Variants in PBRM1 observed in about 807,000 individuals in gnomAD.
PBRM1 encodes the protein polybromo 1.
In PBRM1, 27 loss-of-function variants were observed where a neutral mutation model predicts 194.5. That is an observed-to-expected ratio of 0.14 (90% confidence interval 0.10 to 0.19). PBRM1 has a LOEUF of 0.19. PBRM1 is among the 10% of genes least tolerant of loss of function. The pLI, the probability that PBRM1 is intolerant of heterozygous loss-of-function variation, is 1.00. For synonymous variants in PBRM1, 655 were observed against 693.2 expected (o/e 0.94, Z 0.87); for missense variants, 1,466 against 2,077.2 (o/e 0.71, Z 5.72).
At chr3:52,548,734 A>AT (rs1381038330) in intron 29 of PBRM1, among the ~76,000 whole-genome samples, 2 of 151,916 alleles carry the variant, frequency 1.3e-5, no homozygotes, top group Non-Finnish European at 1.5e-5. Flanking sequence ...CCTGATCATT[A>AT]TTTTTTTGTA....
Position 52,550,828 on chromosome 3 carries a change from G to C in PBRM1, c.4610-11C>G. The C allele has an allele frequency of 6.4e-7, 1 of 1,572,500 alleles. No individual in the cohort carries two copies. The highest frequency in any genetic ancestry group is 8.8e-7 in the Non-Finnish European group (1 of 1,142,776). ...CTTGGTTCATCACACCTATAATTCA[G>C]AATGCAATGGCACAGTTAGAGGCTC... is the stretch of plus-strand genomic sequence containing the variant. On this transcript the variant is annotated splice_polypyrimidine_tract_variant and intron_variant, in intron 27 of 29. Coordinates refer to ENST00000296302, the Ensembl canonical transcript of PBRM1.
intron 13 of PBRM1, among the ~76,000 whole-genome samples, chr3:52,618,379 G>A (rs959533259): frequency 1.3e-5 from 2 of 152,162 alleles, no homozygotes; most frequent in African/African-American, 4.8e-5. Flanking sequence ...GAGAAAACTG[G>A]CTCAGAGGGG....
At chr3:52,569,212 GA>G (rs1245412641) in intron 22 of PBRM1, among the ~76,000 whole-genome samples, 2 of 146,546 alleles carry the variant, frequency 1.4e-5, no homozygotes, top group African/African-American at 2.6e-5. Flanking sequence ...TTTTCAATAT[GA>G]TTTTTTTTTT....
chr3:52,578,451 A>AACT lies in PBRM1; in HGVS notation c.3533+600_3533+602dup, dbSNP rs1024228860. Reference sequence around the variant, plus strand: ...CTAAATCATTCACCTAAGGACCTACAACTAACAGAGCTGGGACTCAGGGAA... The same window carrying AACT: ...CTAAATCATTCACCTAAGGACCTACAACTACTAACAGAGCTGGGACTCAGGGAA... On this transcript the variant is annotated intron_variant, in intron 21 of 29. Transcript: ENST00000296302. 2.3e-4 allele frequency among the ~76,000 whole-genome samples: 35 copies of AACT among 152,342 alleles called. No individual in the cohort carries two copies. In the East Asian group the frequency reaches 5.4e-3, roughly 23 times the overall value.
rs2153642724 is a variant in PBRM1, at chr3:52,634,594, C to T, written c.1301+8G>A. 6.5e-7 allele frequency: 1 copy of T among 1,530,524 alleles called. No homozygotes were observed. Among genetic ancestry groups the T allele is most frequent in the Non-Finnish European group, 9.1e-7 (1 of 1,104,840 alleles). The allele number at this position is 1,530,524 out of a possible 1,614,324, so 94.8% of individuals were successfully genotyped here. On this transcript the variant is annotated splice_region_variant and intron_variant, in intron 11 of 29. Coordinates refer to ENST00000296302, the Ensembl canonical transcript of PBRM1. ...AAATTATACTGAATAATGTAGAAGA[C>T]ATCTTACCGGATCTGTTGTAGTGAT...
chr3:52,636,767 A>AAAAAAAAAAAAAAAAAAAAT (rs2095834445), intron 10 of PBRM1, among the ~76,000 whole-genome samples: 1 of 144,732 alleles, frequency 6.9e-6, no homozygotes, highest in Non-Finnish European at 1.5e-5. Context: ...CAAAAAAAAA[A>AAAAAAAAAAAAAAAAAAAAT]AAAAAAAAAA....
Position 52,609,471 on chromosome 3 carries a change from A to C in PBRM1, c.2409T>G (p.Ser803=). 6.2e-7 allele frequency: 1 copy of C among 1,614,098 alleles called. No individual in the cohort carries two copies. Among genetic ancestry groups the C allele is most frequent in the South Asian group, 1.1e-5 (1 of 91,088 alleles). ...GATCCACAGCAGGAATTTCTGCTAA[A>C]GAATCGCTGTAGCATCTTCCCTCAT... The change falls in exon 16 of 30, where the codon TCT becomes TCG. Residue 803 remains serine (S), a synonymous_variant. Transcript: ENST00000296302. The surrounding 1 kb of genome is among the most constrained non-coding windows in gnomAD (Gnocchi z 4.1).
rs373959162 is a variant in PBRM1 at position 52,581,661 on chromosome 3, C to T, written c.3388-2462G>A. On this transcript the variant is annotated intron_variant, in intron 20 of 29. Transcript: ENST00000296302. ...AAGTAATTCTTTTTTTTTTTTGATACGGAGTCTCCCTCTGTCTCCAGGCTG... is the reference window on the plus strand; with the variant it reads ...AAGTAATTCTTTTTTTTTTTTGATATGGAGTCTCCCTCTGTCTCCAGGCTG... Among the ~76,000 whole-genome samples, 51 of 149,170 alleles carry T rather than the reference C, an allele frequency of 3.4e-4. 1 individual carries two copies. The East Asian group carries it at 7.4e-3, about 22-fold the overall frequency.
At chr3:52,634,462 T>C (rs749645803) in intron 11 of PBRM1, 140 bp downstream of exon 12, 213 of 511,276 alleles carry the variant, frequency 4.2e-4, no homozygotes, top group Non-Finnish European at 6.3e-4. Context: ...AAAAAGGTAA[T>C]GAACAGTTAA....
intron 6 of PBRM1, among the ~76,000 whole-genome samples, chr3:52,649,736 A>C (rs1577562987): frequency 6.6e-6 from 1 of 152,186 alleles, no homozygotes; most frequent in African/African-American, 2.4e-5. Flanking sequence ...GACTGGCAGG[A>C]AGAAAGCCAA....
Position 52,650,717 on chromosome 3 carries a change from T to A in PBRM1, c.714+1025A>T, listed in dbSNP as rs536303784. 5.9e-5 allele frequency among the ~76,000 whole-genome samples: 9 copies of A among 152,276 alleles called. 1 individual carries two copies. In the South Asian group the frequency reaches 1.9e-3, roughly 32 times the overall value. On this transcript the variant is annotated intron_variant, in intron 6 of 29. Coordinates refer to ENST00000296302, the Ensembl canonical transcript of PBRM1. ...ATATTATCACCAACCTCTATGACTCTGCAAAGTAGTGATACTACACGCAAC... is the reference window on the plus strand; with the variant it reads ...ATATTATCACCAACCTCTATGACTCAGCAAAGTAGTGATACTACACGCAAC...
At chr3:52,644,494 C>T (rs1640287480) in intron 8 of PBRM1, among the ~76,000 whole-genome samples, 2 of 152,076 alleles carry the variant, frequency 1.3e-5, no homozygotes, top group African/African-American at 4.8e-5. Context: ...AAGCAATTCT[C>T]CTGCCTCAGC....
At chr3:52,599,397 T>C (rs910657234) in intron 17 of PBRM1, among the ~76,000 whole-genome samples, 1 of 152,238 alleles carries the variant, frequency 6.6e-6, no homozygotes, top group Non-Finnish European at 1.5e-5. Context: ...TATAGTACTA[T>C]TGAACACTAG....
intron 5 of PBRM1, among the ~76,000 whole-genome samples, chr3:52,653,954 A>G (rs1377496108): frequency 6.6e-6 from 1 of 152,238 alleles, no homozygotes; most frequent in Non-Finnish European, 1.5e-5. Flanking sequence ...CTTCTGATTT[A>G]TCAAATACTA....
chr3:52,570,035 G>A (rs1220855982), intron 22 of PBRM1, among the ~76,000 whole-genome samples: 2 of 152,098 alleles, frequency 1.3e-5, no homozygotes. Context: ...GTAGTGACTC[G>A]ATCTTGGCTC....
At chr3:52,679,467 T>C in intron 1 of PBRM1, 107 bp downstream of exon 2, 2 of 960,602 alleles carry the variant, frequency 2.1e-6, no homozygotes, top group Non-Finnish European at 3.2e-6. Context: ...ATCAAGAGAA[T>C]CTTAAAAAAG....
chr3:52,634,304 G>T (rs918674991), intron 11 of PBRM1, among the ~76,000 whole-genome samples: 10 of 151,850 alleles, frequency 6.6e-5, no homozygotes, highest in African/African-American at 2.4e-4. Context: ...GGGTGTGGTG[G>T]TGCGCACCTG....
At chr3:52,588,546 T>G (rs1422868285) in intron 18 of PBRM1, among the ~76,000 whole-genome samples, 1 of 149,004 alleles carries the variant, frequency 6.7e-6, no homozygotes, top group African/African-American at 2.5e-5. Context: ...GAAGCTGTAT[T>G]TCTTTCTTTT....
intron 13 of PBRM1, among the ~76,000 whole-genome samples, chr3:52,622,750 A>C (rs772481033): frequency 1.3e-5 from 2 of 152,138 alleles, no homozygotes; most frequent in Non-Finnish European, 2.9e-5. Flanking sequence ...TTTCCTTTTA[A>C]TGTTTCATGC....
Sources: allele counts gnomAD v4.1 joint callset (sites outside exome capture counted in the v4.1 genomes callset), GRCh38; gene constraint gnomAD v4.1.1; non-coding constraint Gnocchi (gnomAD v3.1); transcripts MANE v1.5; gene names NCBI Gene and HGNC (gene_info 2026-07-23, HGNC 2026-07-21).